Variants in CUBN observed in about 807,000 individuals in gnomAD.
The protein encoded by CUBN is cubilin, also known as 460 kDa receptor.
In CUBN, 282 loss-of-function variants were observed where a neutral mutation model predicts 405.3. The ratio of observed to expected loss-of-function variants is 0.70; its 90% CI spans 0.63 to 0.77. The LOEUF is 0.77. CUBN is among the 30% of genes least tolerant of loss of function. The pLI is 0.00. For missense variants in CUBN, 4,514 were observed against 4,475.2 expected (o/e 1.01, Z -0.25); for synonymous variants, 1,684 against 1,617.0 (o/e 1.04, Z -0.99).
At chr10:16,906,114 A>T (rs910998589) in intron 50 of CUBN, 89 bp downstream of exon 50, 6 of 1,111,088 alleles carry the variant, frequency 5.4e-6, no homozygotes, top group Non-Finnish European at 5.4e-6. Flanking sequence ...CTCCTGTCTC[A>T]AAACAACAAC....
chr10:16,836,621 C>T (rs950952588), intron 62 of CUBN, among the ~76,000 whole-genome samples: 1 of 152,234 alleles, frequency 6.6e-6, no homozygotes, highest in African/African-American at 2.4e-5. Flanking sequence ...AGACATTTCC[C>T]TGCTGAAAAT....
intron 59 of CUBN, among the ~76,000 whole-genome samples, chr10:16,868,914 C>T (rs1054419257): frequency 6.6e-6 from 1 of 152,146 alleles, no homozygotes; most frequent in African/African-American, 2.4e-5. Context: ...CCTAAGCCAC[C>T]ATCATCCAAC....
chr10:17,107,802 A>G (rs1414332155), intron 10 of CUBN, among the ~76,000 whole-genome samples: 1 of 152,084 alleles, frequency 6.6e-6, no homozygotes, highest in Non-Finnish European at 1.5e-5. Flanking sequence ...TGGCAAAAAT[A>G]CAAGTTTTGT....
chr10:16,846,610 G>A (rs186550653), intron 60 of CUBN, among the ~76,000 whole-genome samples: 365 of 152,076 alleles, frequency 2.4e-3, no homozygotes, highest in African/African-American at 8.2e-3. Flanking sequence ...TCAGGAGTTC[G>A]AGACAAGCCT....
intron 37 of CUBN, 64 bp from the exon 38 acceptor site, chr10:16,939,211 A>G: frequency 7.6e-7 from 1 of 1,310,564 alleles, no homozygotes; most frequent in Non-Finnish European, 1.1e-6. Context: ...CAAATGAAAA[A>G]AACAAAAGGC....
At chr10:16,909,713 A>G (rs1198975146) in intron 48 of CUBN, among the ~76,000 whole-genome samples, 3 of 152,236 alleles carry the variant, frequency 2.0e-5, no homozygotes, top group Non-Finnish European at 1.5e-5. Flanking sequence ...TGCTGTTAGA[A>G]GCAACCAGAA....
chr10:16,925,554 G>A (rs775819628), intron 42 of CUBN, 30 bp downstream of exon 42: 43 of 1,613,152 alleles, frequency 2.7e-5, no homozygotes, highest in Non-Finnish European at 3.6e-5. Flanking sequence ...TATGGAAAAT[G>A]TAATTAGAAA....
intron 4 of CUBN, among the ~76,000 whole-genome samples, chr10:17,125,466 A>AT (rs1454153351): frequency 6.6e-6 from 1 of 151,988 alleles, no homozygotes; most frequent in East Asian, 1.9e-4. Context: ...CCATTATTCT[A>AT]TTTTTCTCTT....
At chr10:16,878,815 A>G (rs1840587376) in intron 56 of CUBN, among the ~76,000 whole-genome samples, 2 of 152,176 alleles carry the variant, frequency 1.3e-5, no homozygotes, top group South Asian at 4.1e-4. Flanking sequence ...AAATCATGCA[A>G]TATGTGACCT....
rs186763673 is a variant in CUBN at position 16,901,512 on chromosome 10, G to A, written c.8063-53C>T. The A allele has an allele frequency of 1.4e-3, 2,304 of 1,606,884 alleles. 2 individuals carry two copies. The highest frequency in any genetic ancestry group is 1.8e-3 in the Non-Finnish European group (2,137 of 1,175,084). On this transcript the variant is annotated intron_variant, in intron 51 of 66. Coordinates refer to ENST00000377833, the MANE Select transcript of CUBN (RefSeq NM_001081.4). ...TAAAACAGAAGTAAAAAAAAGAACC[G>A]ATAATGCCAAAGTAAGTAGTAATCA...
At chr10:17,035,079 TAA>T (rs11302576) in intron 27 of CUBN, among the ~76,000 whole-genome samples, 5,776 of 58,542 alleles carry the variant, frequency 0.099, 229 homozygotes, top group South Asian at 0.38. Flanking sequence ...AACCTATGGA[TAA>T]AAAAAAAAAA....
Position 16,889,942 on chromosome 10 carries a change from A to AAAAAAAAAAAAAAAACAAAACAAAAC in CUBN, c.8755+428_8755+429insGTTTTGTTTTGTTTTTTTTTTTTTTT, listed in dbSNP as rs1554788548. Among the ~76,000 whole-genome samples, 213 of 136,276 alleles carry AAAAAAAAAAAAAAAACAAAACAAAAC rather than the reference A, an allele frequency of 1.6e-3. 9 individuals are homozygous for AAAAAAAAAAAAAAAACAAAACAAAAC. The highest frequency in any genetic ancestry group is 5.8e-3 in the African/African-American group (197 of 34,096). 89.4% of individuals were successfully genotyped at this position (136,276 alleles called of 152,430 possible). On this transcript the variant is annotated intron_variant, in intron 55 of 66. Coordinates refer to ENST00000377833, the MANE Select transcript of CUBN (RefSeq NM_001081.4). ...CAGAGTGAGACGCCGTGTCAAAAAAAAAAAAAAAAAACAGGAAAGACTTCG... is the reference window on the plus strand; with the variant it reads ...CAGAGTGAGACGCCGTGTCAAAAAAAAAAAAAAAAAAAAAACAAAACAAAACAAAAAAAAAAACAGGAAAGACTTCG...
chr10:17,090,877 T>C (rs1405356213), intron 14 of CUBN, among the ~76,000 whole-genome samples: 1 of 149,300 alleles, frequency 6.7e-6, no homozygotes, highest in Non-Finnish European at 1.5e-5. Context: ...CAATATAGTG[T>C]AAGATCACTA....
chr10:16,967,088 C>T (rs1843413352), intron 31 of CUBN, among the ~76,000 whole-genome samples: 1 of 152,124 alleles, frequency 6.6e-6, no homozygotes, highest in African/African-American at 2.4e-5. Context: ...GAAAATATTA[C>T]TCATTATAGC....
At chr10:16,868,913 C>G (rs917648656) in intron 59 of CUBN, among the ~76,000 whole-genome samples, 3 of 152,186 alleles carry the variant, frequency 2.0e-5, no homozygotes, top group Non-Finnish European at 4.4e-5. Context: ...TCCTAAGCCA[C>G]CATCATCCAA....
chr10:16,901,325 C>A lies in CUBN; in HGVS notation c.8184+13G>T. The A allele has an allele frequency of 6.2e-7, 1 of 1,614,060 alleles. No homozygotes were observed. The highest frequency in any genetic ancestry group is 8.5e-7 in the Non-Finnish European group (1 of 1,179,966). On this transcript the variant is annotated intron_variant, in intron 52 of 66. Coordinates refer to ENST00000377833, the MANE Select transcript of CUBN (RefSeq NM_001081.4). Reference sequence around the variant, plus strand: ...TTGTCTCAGAAGCATTTCACCCAGTCATTAGCACTCACAGTGATGGTGTGC... The same window carrying A: ...TTGTCTCAGAAGCATTTCACCCAGTAATTAGCACTCACAGTGATGGTGTGC...
Position 16,877,152 on chromosome 10 carries a change from G to A in CUBN, c.8906-55C>T. On this transcript the variant is annotated intron_variant, in intron 56 of 66. Coordinates refer to ENST00000377833, the MANE Select transcript of CUBN (RefSeq NM_001081.4). ...GATCAGAACCTACACAAACAATTAA[G>A]GCCATAAAAATAAAAACAAAAATGT... 6 of 1,489,222 alleles carry A rather than the reference G, an allele frequency of 4.0e-6. No homozygotes were observed. In the South Asian group the frequency reaches 7.1e-5, roughly 18 times the overall value. The allele number at this position is 1,489,222 out of a possible 1,614,324, so 92.3% of individuals were successfully genotyped here.
chr10:17,052,619 G>A (rs966699442), intron 22 of CUBN, among the ~76,000 whole-genome samples: 1 of 151,490 alleles, frequency 6.6e-6, no homozygotes, highest in Non-Finnish European at 1.5e-5. Context: ...AATTAGCCAG[G>A]CGTGCTGGTG....
chr10:16,869,431 C>T (rs1016658164), intron 59 of CUBN, among the ~76,000 whole-genome samples: 1 of 151,542 alleles, frequency 6.6e-6, no homozygotes, highest in African/African-American at 2.4e-5. Flanking sequence ...TCCCAAAGTG[C>T]TGGGTACATT....
Sources: gnomAD v4.1 joint callset for allele counts (sites outside exome capture counted in the v4.1 genomes callset) on GRCh38, gnomAD v4.1.1 for gene constraint, MANE v1.5 for transcripts, NCBI Gene and HGNC (gene_info 2026-07-23, HGNC 2026-07-21) for gene names.